The following ASIC2 variants were observed in gnomAD, a reference collection of about 807,000 sequenced individuals.
ASIC2 encodes the protein acid sensing ion channel subunit 2.
In ASIC2, 25 loss-of-function variants were observed where a neutral mutation model predicts 57.3. That is an observed-to-expected ratio of 0.44 (90% CI 0.32 to 0.61). The LOEUF is 0.61. ASIC2 is among the 20% of genes least tolerant of loss of function. The probability of loss-of-function intolerance (pLI) is 0.06; values close to 1 mark genes in which losing one functional copy is unlikely to be tolerated. For synonymous variants in ASIC2, 319 were observed against 307.5 expected, an observed-to-expected ratio of 1.04 and a Z score of -0.39; for missense variants, 641 against 738.1, an observed-to-expected ratio of 0.87 and a Z score of 1.52.
chr17:33,597,370 G>C (rs764838589), intron 1 of ASIC2, among the ~76,000 whole-genome samples: 1 of 152,184 alleles, frequency 6.6e-6, no homozygotes, highest in Non-Finnish European at 1.5e-5. Flanking sequence ...GGCCTCAAAG[G>C]CATGTTAGCA....
intron 1 of ASIC2, among the ~76,000 whole-genome samples, chr17:34,021,437 G>C (rs1430094309): frequency 6.6e-6 from 1 of 152,108 alleles, no homozygotes; most frequent in Middle Eastern, 3.2e-3. Flanking sequence ...TATCAGGTCT[G>C]GCCCCTCAAC....
At chr17:33,913,778 A>C (rs1228294690) in intron 1 of ASIC2, among the ~76,000 whole-genome samples, 1 of 152,192 alleles carries the variant, frequency 6.6e-6, no homozygotes, top group African/African-American at 2.4e-5. Context: ...ATACCCAATA[A>C]ATGGTAACCA....
intron 1 of ASIC2, among the ~76,000 whole-genome samples, chr17:33,301,799 T>C (rs1905970179): frequency 6.6e-6 from 1 of 152,198 alleles, no homozygotes; most frequent in African/African-American, 2.4e-5. Context: ...TGAGAGCCAT[T>C]GCCATGCACT....
chr17:33,091,128 C>T (rs184228121), intron 2 of ASIC2, among the ~76,000 whole-genome samples: 1 of 152,318 alleles, frequency 6.6e-6, no homozygotes, highest in East Asian at 1.9e-4. Context: ...CATCACCTAA[C>T]CCAGGGCCTG....
Position 33,139,923 on chromosome 17 carries a change from T to C in ASIC2, c.709-27856A>G, listed in dbSNP as rs146084752. ...TACAGAAACTCAGTCTTCCCTAAAA[T>C]GGGACTAACACGTTTTGCCCCATCT... On this transcript the variant is annotated intron_variant, in intron 1 of 9. Transcript: ENST00000225823. 3.3e-5 allele frequency among the ~76,000 whole-genome samples: 5 copies of C among 152,344 alleles called. No individual in the cohort carries two copies. The East Asian group carries it at 7.7e-4, about 23-fold the overall frequency.
chr17:33,307,724 G>A (rs1906243661), intron 1 of ASIC2, among the ~76,000 whole-genome samples: 1 of 152,300 alleles, frequency 6.6e-6, no homozygotes, highest in South Asian at 2.1e-4. Flanking sequence ...GCTGGTGGGG[G>A]AACTTGAGGA....
chr17:33,148,827 C>T lies in ASIC2; in HGVS notation c.709-36760G>A, dbSNP rs533008399. Among the ~76,000 whole-genome samples, 15 of 152,298 alleles carry T rather than the reference C, an allele frequency of 9.8e-5. No individual in the cohort carries two copies. In the South Asian group the frequency reaches 2.3e-3, roughly 23 times the overall value. ...AAAAACTTGAGGCCAGGTGCGCTGG[C>T]TCACACCTGTAATCCCAGTAGTTTG... On this transcript the variant is annotated intron_variant, in intron 1 of 9. Coordinates refer to ENST00000225823, the MANE Select transcript of ASIC2 (RefSeq NM_183377.2).
chr17:33,373,779 G>A (rs551654661), intron 1 of ASIC2, among the ~76,000 whole-genome samples: 17 of 152,204 alleles, frequency 1.1e-4, no homozygotes, highest in African/African-American at 2.9e-4. Context: ...CTGGGTTCAA[G>A]CGATATTCCC....
At chr17:33,397,914 C>A (rs894120842) in intron 1 of ASIC2, among the ~76,000 whole-genome samples, 1 of 152,178 alleles carries the variant, frequency 6.6e-6, no homozygotes. Context: ...GAATCTTATT[C>A]TTTTTGAGTC....
intron 1 of ASIC2, among the ~76,000 whole-genome samples, chr17:34,089,316 T>C (rs922477579): frequency 2.0e-5 from 3 of 152,186 alleles, no homozygotes; most frequent in Non-Finnish European, 4.4e-5. Context: ...CTATGACACA[T>C]ATGCACATGC....
chr17:33,055,242 T>C (rs2141932660), intron 3 of ASIC2, among the ~76,000 whole-genome samples: 1 of 152,364 alleles, frequency 6.6e-6, no homozygotes, highest in Middle Eastern at 3.4e-3. Context: ...CCCTGATGGC[T>C]GCATGTGCAG....
intron 1 of ASIC2, among the ~76,000 whole-genome samples, chr17:33,840,566 TC>T (rs1382919263): frequency 6.6e-6 from 1 of 152,164 alleles, no homozygotes; most frequent in Non-Finnish European, 1.5e-5. Context: ...TTGGAATTTA[TC>T]CTGAAATCTT....
At chr17:33,574,110 A>G (rs1210401133) in intron 1 of ASIC2, among the ~76,000 whole-genome samples, 9 of 152,164 alleles carry the variant, frequency 5.9e-5, no homozygotes, top group Non-Finnish European at 1.0e-4. Context: ...GTTTAGGTGT[A>G]TCTTTGACTT....
intron 1 of ASIC2, among the ~76,000 whole-genome samples, chr17:33,278,199 A>ATTT (rs58668822): frequency 0.088 from 12,117 of 137,488 alleles, 628 homozygotes; most frequent in South Asian, 0.23. Context: ...GCCCTTATTC[A>ATTT]TTTTTTTTTT....
At chr17:34,083,947 G>A (rs1342450919) in intron 1 of ASIC2, among the ~76,000 whole-genome samples, 4 of 152,068 alleles carry the variant, frequency 2.6e-5, no homozygotes, top group South Asian at 2.1e-4. Context: ...AGTAGGTTGT[G>A]AAAATTTTCT....
chr17:33,482,388 C>T (rs1240968984), intron 1 of ASIC2, among the ~76,000 whole-genome samples: 1 of 152,212 alleles, frequency 6.6e-6, no homozygotes, highest in African/African-American at 2.4e-5. Context: ...GATTTCTGCA[C>T]CACAAACCTA....
chr17:33,453,491 T>G (rs1912340626), intron 1 of ASIC2, among the ~76,000 whole-genome samples: 3 of 152,108 alleles, frequency 2.0e-5, no homozygotes, highest in South Asian at 2.1e-4. Context: ...GCGGAAGATG[T>G]TCTCAGAGGA....
intron 1 of ASIC2, among the ~76,000 whole-genome samples, chr17:33,617,734 A>T (rs1905652860): frequency 6.6e-6 from 1 of 152,248 alleles, no homozygotes; most frequent in Non-Finnish European, 1.5e-5. Context: ...TAAAAAACAC[A>T]AAATAGATAA....
At chr17:33,434,949 G>T (rs1006158088) in intron 1 of ASIC2, among the ~76,000 whole-genome samples, 7 of 151,996 alleles carry the variant, frequency 4.6e-5, no homozygotes, top group African/African-American at 1.7e-4. Flanking sequence ...TATTTATATT[G>T]TCTTTCTGAG....
Sources: gnomAD v4.1 joint callset for allele counts (sites outside exome capture counted in the v4.1 genomes callset) on GRCh38, gnomAD v4.1.1 for gene constraint, MANE v1.5 for transcripts, NCBI Gene and HGNC (gene_info 2026-07-23, HGNC 2026-07-21) for gene names.